Variants in NDUFA10 observed in about 807,000 individuals in gnomAD.
NDUFA10 encodes the protein NADH dehydrogenase [ubiquinone] 1 alpha subcomplex subunit 10, mitochondrial.
A neutral mutation model predicts 47.8 loss-of-function variants in NDUFA10; 40 were observed. The ratio of observed to expected loss-of-function variants is 0.84; its 90% CI spans 0.65 to 1.09. NDUFA10 has a LOEUF of 1.09. Among genes scored for constraint, NDUFA10 ranks in the 50% least tolerant of loss-of-function variants. The pLI is 0.00. For synonymous variants in NDUFA10, 183 were observed against 172.2 expected, an observed-to-expected ratio of 1.06 and a Z score of -0.49; for missense variants, 413 against 451.1, an observed-to-expected ratio of 0.92 and a Z score of 0.76.
intron 4 of NDUFA10, among the ~76,000 whole-genome samples, chr2:239,903,943 A>G (rs1013155485): frequency 3.9e-5 from 6 of 152,248 alleles, no homozygotes; most frequent in Non-Finnish European, 5.9e-5. Flanking sequence ...TCAGGGCTGC[A>G]GAGAACCAGG....
intron 9 of NDUFA10, chr2:239,969,594 T>G: frequency 2.1e-6 from 1 of 467,558 alleles, no homozygotes; most frequent in Non-Finnish European, 4.4e-6. Context: ...CTCATCAGCC[T>G]GGCCAAATCT....
At chr2:240,018,161 A>G (rs973792058) in intron 4 of NDUFA10, among the ~76,000 whole-genome samples, 1 of 152,236 alleles carries the variant, frequency 6.6e-6, no homozygotes, top group Non-Finnish European at 1.5e-5. Context: ...TGGCAGGGCT[A>G]ACATCCCAAT....
At chr2:239,977,952 C>G (rs577979460) in intron 9 of NDUFA10, among the ~76,000 whole-genome samples, 43 of 152,276 alleles carry the variant, frequency 2.8e-4, no homozygotes, top group East Asian at 1.5e-3. Flanking sequence ...GAGCCCTCAC[C>G]CACCCCTCCA....
At chr2:239,966,300 CT>C (rs1695055389) in intron 9 of NDUFA10, among the ~76,000 whole-genome samples, 2 of 152,334 alleles carry the variant, frequency 1.3e-5, no homozygotes, top group East Asian at 3.9e-4. Flanking sequence ...ACAACTCCCC[CT>C]GGCCCCCGAT....
intron 4 of NDUFA10, among the ~76,000 whole-genome samples, chr2:239,934,214 C>T (rs752512251): frequency 6.6e-6 from 1 of 152,192 alleles, no homozygotes; most frequent in Non-Finnish European, 1.5e-5. Flanking sequence ...ATCTCCTGCC[C>T]TGGATCCTAG....
At chr2:240,011,882 C>T in intron 5 of NDUFA10, 186 bp from the exon 6 acceptor site, 1 of 643,296 alleles carries the variant, frequency 1.6e-6, no homozygotes, top group Non-Finnish European at 2.8e-6. Context: ...CCTTCTACTA[C>T]AGTGAACACC....
intron 4 of NDUFA10, among the ~76,000 whole-genome samples, chr2:239,901,504 G>A (rs143427415): frequency 1.0e-3 from 153 of 152,006 alleles, no homozygotes; most frequent in East Asian, 7.3e-3. Context: ...ACCGCTCACC[G>A]ACAATGCACC....
At chr2:239,972,310 G>A (rs1297812578) in intron 9 of NDUFA10, among the ~76,000 whole-genome samples, 1 of 152,134 alleles carries the variant, frequency 6.6e-6, no homozygotes, top group Non-Finnish European at 1.5e-5. Context: ...GAGGGCCTGT[G>A]TACCGGGTGG....
intron 9 of NDUFA10, chr2:239,983,557 TCTGGAAAGAGGAAGAGCAG>T: frequency 6.2e-7 from 1 of 1,601,582 alleles, no homozygotes; most frequent in Non-Finnish European, 8.5e-7. Context: ...CATGGGGCTT[TCTGGAAAGAGGAAGAGCAG>T]CTTCCAGTGG....
chr2:240,011,592 T>A (rs1247731099), intron 6 of NDUFA10, 25 bp downstream of exon 6: 1 of 1,584,828 alleles, frequency 6.3e-7, no homozygotes, highest in East Asian at 2.2e-5. Flanking sequence ...TTTAGCCCTG[T>A]AAATCAGTCG....
intron 4 of NDUFA10, among the ~76,000 whole-genome samples, chr2:239,897,683 C>T (rs1693422676): frequency 6.6e-6 from 1 of 152,176 alleles, no homozygotes; most frequent in Non-Finnish European, 1.5e-5. Context: ...CCTGGGCCCT[C>T]CTCCTCCTCC....
chr2:239,948,493 T>C (rs1314281241), intron 4 of NDUFA10, among the ~76,000 whole-genome samples: 1 of 152,242 alleles, frequency 6.6e-6, no homozygotes, highest in Non-Finnish European at 1.5e-5. Flanking sequence ...TACAGCCCAC[T>C]GTCCATTTTG....
At chr2:239,912,423 G>C (rs1015232298) in intron 4 of NDUFA10, among the ~76,000 whole-genome samples, 1 of 152,212 alleles carries the variant, frequency 6.6e-6, no homozygotes, top group African/African-American at 2.4e-5. Flanking sequence ...ACTTGGTGGT[G>C]CTGGCCAGAC....
chr2:239,920,460 G>A (rs1693951245), intron 4 of NDUFA10, among the ~76,000 whole-genome samples: 1 of 152,226 alleles, frequency 6.6e-6, no homozygotes, highest in African/African-American at 2.4e-5. Context: ...CCGAGGGGGA[G>A]AAAATCAAAA....
chr2:239,900,257 T>G (rs180741301), intron 4 of NDUFA10, among the ~76,000 whole-genome samples: 14 of 151,342 alleles, frequency 9.3e-5, no homozygotes, highest in Admixed American at 9.2e-4. Flanking sequence ...GCAGACAGAC[T>G]ATTGTGGGAC....
intron 4 of NDUFA10, among the ~76,000 whole-genome samples, chr2:240,015,406 A>G (rs1235286639): frequency 6.6e-6 from 1 of 152,270 alleles, no homozygotes; most frequent in Non-Finnish European, 1.5e-5. Context: ...AATAGATACA[A>G]GAGTCTGGTC....
chr2:239,991,981 A>T (rs1380774059), intron 8 of NDUFA10, among the ~76,000 whole-genome samples: 1 of 152,200 alleles, frequency 6.6e-6, no homozygotes, highest in Non-Finnish European at 1.5e-5. Flanking sequence ...TTGAAGATTA[A>T]AAAAAGAATC....
chr2:239,946,787 G>C (rs924961914), intron 4 of NDUFA10, among the ~76,000 whole-genome samples: 3 of 152,276 alleles, frequency 2.0e-5, no homozygotes, highest in Non-Finnish European at 4.4e-5. Context: ...GAAAGTCAGA[G>C]TGAGGCTCCT....
chr2:239,996,751 T>C (rs549272639), intron 8 of NDUFA10, among the ~76,000 whole-genome samples: 2 of 152,154 alleles, frequency 1.3e-5, no homozygotes, highest in African/African-American at 4.8e-5. Flanking sequence ...CAGGGCAGCT[T>C]TGAATGCAGC....
Sources: gnomAD v4.1 joint callset for allele counts (sites outside exome capture counted in the v4.1 genomes callset) on GRCh38, gnomAD v4.1.1 for gene constraint, MANE v1.5 for transcripts, NCBI Gene and HGNC (gene_info 2026-07-23, HGNC 2026-07-21) for gene names.